Variants in STXBP4 observed in about 807,000 individuals in gnomAD.
STXBP4 encodes the protein syntaxin-binding protein 4.
In STXBP4, 55 loss-of-function variants were observed where a neutral mutation model predicts 76.1. That is an observed-to-expected ratio of 0.72 (90% CI 0.58 to 0.91). STXBP4 has a LOEUF of 0.91. Among genes scored for constraint, STXBP4 ranks in the 40% least tolerant of loss-of-function variants. The probability of loss-of-function intolerance (pLI) is 0.00; values close to 1 mark genes in which losing one functional copy is unlikely to be tolerated. For synonymous variants in STXBP4, 201 were observed against 220.2 expected, an observed-to-expected ratio of 0.91 and a Z score of 0.77; for missense variants, 618 against 636.9, an observed-to-expected ratio of 0.97 and a Z score of 0.32.
At chr17:55,178,090 A>C (rs1380772453), downstream of STXBP4, among the ~76,000 whole-genome samples, 1 of 152,232 alleles carries the variant, frequency 6.6e-6, no homozygotes, top group Non-Finnish European at 1.5e-5. Context: ...GGAGATGAAC[A>C]AATGATCAAA....
At chr17:55,128,888 T>TA (rs1240043671) in intron 16 of STXBP4, among the ~76,000 whole-genome samples, 1 of 151,508 alleles carries the variant, frequency 6.6e-6, no homozygotes, top group Non-Finnish European at 1.5e-5. Context: ...GTGCTGGAAT[T>TA]ACAGGTGTGA....
At chr17:55,109,694 A>G (rs1478332268) in intron 16 of STXBP4, among the ~76,000 whole-genome samples, 1 of 147,824 alleles carries the variant, frequency 6.8e-6, no homozygotes, top group Non-Finnish European at 1.5e-5. Flanking sequence ...CAGTGGCACA[A>G]TCTCAGCTCA....
intron 17 of STXBP4, among the ~76,000 whole-genome samples, chr17:55,149,955 A>G (rs913939926): frequency 3.9e-5 from 6 of 152,346 alleles, no homozygotes; most frequent in African/African-American, 1.4e-4. Flanking sequence ...AATGACAGGT[A>G]TAACACAGGC....
intron 17 of STXBP4, among the ~76,000 whole-genome samples, chr17:55,143,373 G>A (rs763283462): frequency 5.3e-5 from 8 of 152,178 alleles, no homozygotes; most frequent in Non-Finnish European, 1.0e-4. Context: ...TGGATCCTGT[G>A]GGGAACTCCT....
chr17:55,056,869 G>T (rs1240934261), intron 12 of STXBP4, among the ~76,000 whole-genome samples: 4 of 152,018 alleles, frequency 2.6e-5, no homozygotes, highest in Non-Finnish European at 4.4e-5. Flanking sequence ...CAAATTCAAG[G>T]AGTATTACAA....
chr17:55,139,789 G>A (rs955363291), intron 16 of STXBP4, among the ~76,000 whole-genome samples: 1 of 152,118 alleles, frequency 6.6e-6, no homozygotes, highest in Non-Finnish European at 1.5e-5. Flanking sequence ...TTCATTAAGA[G>A]AGAATAGAAA....
chr17:55,114,968 G>A (rs1259352491), intron 16 of STXBP4, among the ~76,000 whole-genome samples: 1 of 151,904 alleles, frequency 6.6e-6, no homozygotes, highest in Admixed American at 6.6e-5. Flanking sequence ...CTTTCTTTGT[G>A]AGCAAGTTTT....
At chr17:55,033,887 TCTA>T (rs2078554323) in intron 9 of STXBP4, among the ~76,000 whole-genome samples, 1 of 152,238 alleles carries the variant, frequency 6.6e-6, no homozygotes, top group South Asian at 2.1e-4. Context: ...CAGAAAAAGT[TCTA>T]CTCATAATAC....
At chr17:55,108,179 C>G (rs529699340) in intron 16 of STXBP4, among the ~76,000 whole-genome samples, 1 of 152,148 alleles carries the variant, frequency 6.6e-6, no homozygotes. Context: ...TGTGCCAGTT[C>G]GAACTTCCTG....
the STXBP4 span, among the ~76,000 whole-genome samples, chr17:55,206,478 C>T: frequency 3.3e-5 from 5 of 152,156 alleles, no homozygotes; most frequent in Admixed American, 2.6e-4. Context: ...CTAATCCTAG[C>T]GGGGTAGAGA....
the STXBP4 span, among the ~76,000 whole-genome samples, chr17:55,200,914 C>G: frequency 1.3e-5 from 2 of 152,146 alleles, no homozygotes; most frequent in Non-Finnish European, 1.5e-5. Flanking sequence ...ACAGGCCTTT[C>G]TCTCTCTCTA....
At chr17:54,991,067 C>A (rs530337073) in intron 4 of STXBP4, 110 bp downstream of exon 4, 2 of 1,210,686 alleles carry the variant, frequency 1.7e-6, no homozygotes, top group South Asian at 5.2e-5. Context: ...GACCATACCT[C>A]AGTGAAAAAT....
At chr17:55,180,304 G>T in the STXBP4 span, among the ~76,000 whole-genome samples, 1 of 152,126 alleles carries the variant, frequency 6.6e-6, no homozygotes, top group Admixed American at 6.5e-5. Context: ...GCTACTGTTT[G>T]GGGACAACTG....
intron 12 of STXBP4, among the ~76,000 whole-genome samples, chr17:55,064,213 C>T (rs2079023558): frequency 6.6e-6 from 1 of 152,032 alleles, no homozygotes; most frequent in Admixed American, 6.6e-5. Context: ...TTGTCTGTAA[C>T]CATGGATTTG....
chr17:55,154,219 A>C (rs1320435213), intron 17 of STXBP4, among the ~76,000 whole-genome samples: 1 of 152,036 alleles, frequency 6.6e-6, no homozygotes, highest in East Asian at 1.9e-4. Flanking sequence ...TAGAGAAGGC[A>C]CTCCAGCTTC....
chr17:55,139,196 G>A (rs1031828178), intron 16 of STXBP4, among the ~76,000 whole-genome samples: 2 of 152,056 alleles, frequency 1.3e-5, no homozygotes, highest in African/African-American at 4.8e-5. Flanking sequence ...AATAATCAAG[G>A]CAGAAATTCT....
intron 1 of STXBP4, among the ~76,000 whole-genome samples, chr17:54,971,376 A>G (rs1301091762): frequency 1.3e-5 from 2 of 152,248 alleles, no homozygotes; most frequent in Non-Finnish European, 2.9e-5. Flanking sequence ...CAATGTATCA[A>G]CTGATTCACT....
intron 16 of STXBP4, among the ~76,000 whole-genome samples, chr17:55,114,580 A>G (rs993196605): frequency 2.6e-5 from 4 of 152,038 alleles, no homozygotes; most frequent in African/African-American, 7.2e-5. Flanking sequence ...CTAACTGTTA[A>G]CTGTTTAAGT....
intron 4 of STXBP4, chr17:54,991,325 G>A (rs141095768): frequency 6.5e-6 from 1 of 153,182 alleles, no homozygotes; most frequent in African/African-American, 2.4e-5. Flanking sequence ...CATTCATTTA[G>A]CCTCTACTAA....
Sources: gnomAD v4.1 joint callset for allele counts (sites outside exome capture counted in the v4.1 genomes callset) on GRCh38, gnomAD v4.1.1 for gene constraint, MANE v1.5 for transcripts, NCBI Gene and HGNC (gene_info 2026-07-23, HGNC 2026-07-21) for gene names.